The following KLF16 variants were observed in gnomAD, a reference collection of about 807,000 sequenced individuals.
The protein encoded by KLF16 is KLF transcription factor 16.
A neutral mutation model predicts 6.1 loss-of-function variants in KLF16; 6 were observed. The ratio of observed to expected loss-of-function variants is 0.98; its 90% CI spans 0.54 to 1.93. The LOEUF (loss-of-function observed/expected upper bound fraction) is 1.93, where lower values mean the gene tolerates loss of function less well. Ranked by LOEUF, KLF16 falls within the 30% of genes most tolerant of loss-of-function variation. The probability of loss-of-function intolerance (pLI) is 0.01; values close to 1 mark genes in which losing one functional copy is unlikely to be tolerated. For missense variants in KLF16, 355 were observed against 363.8 expected (o/e 0.98, Z 0.20); for synonymous variants, 211 against 176.5 (o/e 1.20, Z -1.55).
the KLF16 span, among the ~76,000 whole-genome samples, chr19:1,874,285 G>A: frequency 6.6e-6 from 1 of 152,176 alleles, no homozygotes; most frequent in Non-Finnish European, 1.5e-5. Flanking sequence ...ATGAGGTCAG[G>A]AAGACAATGG....
At chr19:1,863,627 C>T, upstream of KLF16, 1 of 231,978 alleles carries the variant, frequency 4.3e-6, no homozygotes, top group Non-Finnish European at 6.8e-6. Flanking sequence ...GCGCCGCCGC[C>T]GACGCCCGCG....
chr19:1,863,383 C>CGGCGGGGCCCGCGCCCTCGG lies in KLF16; in HGVS notation c.95_114dup (p.Ala39ProfsTer113). ...CGCGCCGCGCGCACATCCAGGCCGG[C>CGGCGGGGCCCGCGCCCTCGG]GGCGGGGCCCGCGCCCTCGGGGCCG... On this transcript the variant is annotated frameshift_variant, in exon 1 of 2. Coordinates refer to ENST00000250916, the MANE Select transcript of KLF16 (RefSeq NM_031918.4). LOFTEE classifies it high-confidence loss of function. 1.0e-6 allele frequency: 1 copy of CGGCGGGGCCCGCGCCCTCGG among 983,426 alleles called. No homozygotes were observed. Among genetic ancestry groups the CGGCGGGGCCCGCGCCCTCGG allele is most frequent in the Non-Finnish European group, 1.2e-6 (1 of 830,710 alleles). The allele number at this position is 983,426 out of a possible 1,614,324, so 60.9% of individuals were successfully genotyped here.
chr19:1,871,382 G>T, the KLF16 span, among the ~76,000 whole-genome samples: 2 of 152,142 alleles, frequency 1.3e-5, no homozygotes, highest in East Asian at 3.9e-4. Flanking sequence ...TGCAGAGGAC[G>T]CACTCAGCGG....
intron 1 of KLF16, chr19:1,860,288 G>A (rs996461718): frequency 3.3e-5 from 5 of 152,454 alleles, no homozygotes; most frequent in Non-Finnish European, 7.3e-5. Context: ...CCCACGCAGG[G>A]GAGAGAGAGC....
intron 1 of KLF16, among the ~76,000 whole-genome samples, chr19:1,855,640 C>A (rs549317546): frequency 6.6e-6 from 1 of 152,258 alleles, no homozygotes; most frequent in South Asian, 2.1e-4. Context: ...GGTCTTTGCT[C>A]TAGAACTGTG....
upstream of KLF16, among the ~76,000 whole-genome samples, chr19:1,866,790 A>C (rs1212769242): frequency 6.6e-6 from 1 of 151,380 alleles, no homozygotes; most frequent in Non-Finnish European, 1.5e-5. Context: ...AAAAAAAAAA[A>C]AAAAGGAGTT....
chr19:1,873,893 C>T, the KLF16 span, among the ~76,000 whole-genome samples: 1 of 152,222 alleles, frequency 6.6e-6, no homozygotes, highest in East Asian at 1.9e-4. Context: ...ACACAGTGTA[C>T]GCTGAAGGCG....
At chr19:1,859,570 T>C (rs891593872) in intron 1 of KLF16, among the ~76,000 whole-genome samples, 11 of 151,476 alleles carry the variant, frequency 7.3e-5, no homozygotes, top group Admixed American at 5.2e-4. Context: ...CTCAAGTCCC[T>C]ACCTCCACAG....
rs1398723541 is a variant in KLF16, at chr19:1,857,024, G to A, written c.458-2264C>T. Among the ~76,000 whole-genome samples, 7 of 149,430 alleles carry A rather than the reference G, an allele frequency of 4.7e-5. No individual in the cohort carries two copies. The highest frequency in any genetic ancestry group is 1.0e-4 in the Non-Finnish European group (7 of 67,672). Reference sequence around the variant, plus strand: ...AGCTGCCGCACGTAGCTCGGCGGCGGCGGCGGGGACATCCGCAGCCCCAGC... The same window carrying A: ...AGCTGCCGCACGTAGCTCGGCGGCGACGGCGGGGACATCCGCAGCCCCAGC... On this transcript the variant is annotated intron_variant, in intron 1 of 1. Transcript: ENST00000250916. The surrounding 1 kb of genome is among the most constrained non-coding windows in gnomAD (Gnocchi z 4.7).
At chr19:1,864,636 C>T (rs1006600500), upstream of KLF16, among the ~76,000 whole-genome samples, 2 of 152,136 alleles carry the variant, frequency 1.3e-5, no homozygotes, top group Non-Finnish European at 2.9e-5. Flanking sequence ...CCTGCTGGGA[C>T]ACCGGGGTCC....
chr19:1,863,548 GCGTC>G lies in KLF16; in HGVS notation c.-55_-52del, dbSNP rs1463247545. 1.1e-6 allele frequency: 1 copy of G among 903,364 alleles called. No individual in the cohort carries two copies. Among genetic ancestry groups the G allele is most frequent in the Non-Finnish European group, 1.3e-6 (1 of 757,478 alleles). 56.0% of individuals were successfully genotyped at this position (903,364 alleles called of 1,614,324 possible). A position where few individuals can be genotyped will look rare whatever the true frequency, so the allele number is the denominator to read the frequency against. The stretch of plus-strand genomic sequence containing the variant: ...GGGCGGAGCGGAGGCGGCGGGAGCG[GCGTC>G]CGTCCGGCCGGCGGCGGCTGCTCGA... On this transcript the variant is annotated 5_prime_UTR_variant, in exon 1 of 2. Transcript: ENST00000250916.
chr19:1,856,130 G>A (rs1159941306), intron 1 of KLF16, among the ~76,000 whole-genome samples: 2 of 152,080 alleles, frequency 1.3e-5, no homozygotes, highest in Non-Finnish European at 2.9e-5. Context: ...AAGAACTGCA[G>A]CCAGCCAGGG....
In KLF16 at chr19:1,863,139, G is replaced by A. The variant is rs1401752421; in HGVS notation, c.359C>T (p.Pro120Leu). 6 of 1,329,808 alleles carry A rather than the reference G, an allele frequency of 4.5e-6. No individual in the cohort carries two copies. Among genetic ancestry groups the A allele is most frequent in the African/African-American group, 3.1e-5 (2 of 64,402 alleles). 82.4% of individuals were successfully genotyped at this position (1,329,808 alleles called of 1,614,324 possible). ...GCGGTGGCTCTTGGCGGCGGCGGAG[G>A]GCGCGGCGCCGGGGGCGCGGCCCGA... is the stretch of plus-strand genomic sequence containing the variant. Reference protein sequence around the residue: ...PSSGRAPGAAPSAAAKSHRCP... With the variant: ...PSSGRAPGAALSAAAKSHRCP... The change falls in exon 1 of 2, where the codon CCC becomes CTC. Residue 120 changes from proline (P) to leucine (L), a missense_variant. Pro to Leu is a moderately conservative substitution (Grantham distance 98). Transcript: ENST00000250916.
chr19:1,861,401 T>A (rs755953582), intron 1 of KLF16: 6 of 152,262 alleles, frequency 3.9e-5, no homozygotes, highest in African/African-American at 1.4e-4. Context: ...GCCAGGGCAC[T>A]CCTGGACCCC....
At chr19:1,863,825 C>A (rs2012130620), upstream of KLF16, among the ~76,000 whole-genome samples, 1 of 144,656 alleles carries the variant, frequency 6.9e-6, no homozygotes, top group African/African-American at 2.5e-5. Context: ...AGGAACCCGC[C>A]CCCCGGCGCG....
At chr19:1,871,302 G>C in the KLF16 span, among the ~76,000 whole-genome samples, 1 of 152,204 alleles carries the variant, frequency 6.6e-6, no homozygotes, top group Non-Finnish European at 1.5e-5. Context: ...AGCCACCTCC[G>C]GACAGGCCTG....
At chr19:1,868,011 C>T (rs1364325314), upstream of KLF16, among the ~76,000 whole-genome samples, 1 of 151,374 alleles carries the variant, frequency 6.6e-6, no homozygotes, top group Non-Finnish European at 1.5e-5. Flanking sequence ...TTAAGACAGT[C>T]GGGTCTTTGC....
At chr19:1,872,561 C>T in the KLF16 span, among the ~76,000 whole-genome samples, 8 of 152,338 alleles carry the variant, frequency 5.3e-5, no homozygotes, top group Non-Finnish European at 1.0e-4. Flanking sequence ...TTATCCTCCA[C>T]GGACACACAC....
rs2011894068 is a variant in KLF16, at chr19:1,854,091, C to T, written c.*368G>A. ...GGGATGGGGCAGGGGGTGCTTTCCC[C>T]GGGCCGGCTCCCAGAAGTCCACTCC... On this transcript the variant is annotated 3_prime_UTR_variant, in exon 2 of 2. Coordinates refer to ENST00000250916, the MANE Select transcript of KLF16 (RefSeq NM_031918.4). 3 of 227,820 alleles carry T rather than the reference C, an allele frequency of 1.3e-5. No individual in the cohort carries two copies. The highest frequency in any genetic ancestry group is 9.7e-5 in the East Asian group (1 of 10,290). 14.1% of individuals were successfully genotyped at this position (227,820 alleles called of 1,614,324 possible).
Sources: gnomAD v4.1 joint callset for allele counts (sites outside exome capture counted in the v4.1 genomes callset) on GRCh38, gnomAD v4.1.1 for gene constraint, Gnocchi (gnomAD v3.1) non-coding constraint, MANE v1.5 for transcripts, NCBI Gene and HGNC (gene_info 2026-07-23, HGNC 2026-07-21) for gene names.